ERMARD: variants seen among roughly 807,000 people sequenced by gnomAD.
The protein encoded by ERMARD is endoplasmic reticulum membrane-associated RNA degradation protein.
ERMARD carries 71 observed loss-of-function variants against 83.9 expected under a neutral mutation model. The observed-to-expected ratio is 0.85, with a 90% CI of 0.70 to 1.03. The LOEUF is 1.03. ERMARD is among the 50% of genes least tolerant of loss of function. The pLI, the probability that ERMARD is intolerant of heterozygous loss-of-function variation, is 0.00. For missense variants in ERMARD, 838 were observed against 810.9 expected (o/e 1.03, Z -0.41); for synonymous variants, 284 against 298.6 (o/e 0.95, Z 0.50).
chr6:169,776,598 A>G lies in ERMARD; in HGVS notation c.1664A>G (p.Glu555Gly). 1.2e-6 allele frequency: 2 copies of G among 1,614,240 alleles called. No homozygotes were observed. The highest frequency in any genetic ancestry group is 1.7e-6 in the Non-Finnish European group (2 of 1,180,050). ...TCCAGCCAGGTCACCGTTGCCTCAG[A>G]GCTGAGACACAGGCAGTGGGTGGAA... ...RVSSQVTVAS[E>G]LRHRQWVERT... is the part of the protein sequence containing the mutation. Residue 555 changes from glutamate (E) to glycine (G), a missense_variant, in exon 16 of 18, where the codon GAG (glutamate) becomes GGG (glycine). Transcript: ENST00000366773.
At chr6:169,763,439 C>A (rs1791800323) in intron 9 of ERMARD, among the ~76,000 whole-genome samples, 1 of 152,232 alleles carries the variant, frequency 6.6e-6, no homozygotes, top group Non-Finnish European at 1.5e-5. Flanking sequence ...TTGGTGCATG[C>A]CCCTCTCTAA....
chr6:169,780,178 G>A (rs1313427504), intron 17 of ERMARD, among the ~76,000 whole-genome samples: 1 of 152,204 alleles, frequency 6.6e-6, no homozygotes, highest in Non-Finnish European at 1.5e-5. Context: ...CCCATGCTTG[G>A]CACTGCTGGC....
At chr6:169,752,006 C>G in intron 1 of ERMARD, 1 of 368,794 alleles carries the variant, frequency 2.7e-6, no homozygotes, top group Non-Finnish European at 4.8e-6. Flanking sequence ...CTGACCGTGG[C>G]TCGTTCCTAG....
chr6:169,751,912 G>GC (rs1334089713), intron 1 of ERMARD: 1 of 525,046 alleles, frequency 1.9e-6, no homozygotes, highest in East Asian at 3.6e-5. Flanking sequence ...GTCGCCTCCT[G>GC]GCCCTGAGCT....
intron 16 of ERMARD, among the ~76,000 whole-genome samples, chr6:169,777,649 A>G (rs1222294681): frequency 1.3e-5 from 2 of 152,214 alleles, no homozygotes; most frequent in African/African-American, 4.8e-5. Flanking sequence ...GACATTTAAT[A>G]AAGATGAATT....
At chr6:169,770,131 T>C (rs1321791079) in intron 12 of ERMARD, among the ~76,000 whole-genome samples, 1 of 152,274 alleles carries the variant, frequency 6.6e-6, no homozygotes, top group Non-Finnish European at 1.5e-5. Context: ...ATTTATATTT[T>C]AATCTTTTTT....
chr6:169,752,844 A>G (rs1790313843), intron 1 of ERMARD, among the ~76,000 whole-genome samples: 1 of 152,208 alleles, frequency 6.6e-6, no homozygotes, highest in Non-Finnish European at 1.5e-5. Context: ...ACGGTTTGCT[A>G]CTTTTTACAT....
chr6:169,758,888 G>T (rs1418041571), intron 5 of ERMARD, 80 bp from the exon 6 acceptor site: 5 of 1,302,386 alleles, frequency 3.8e-6, no homozygotes, highest in Non-Finnish European at 5.4e-6. Flanking sequence ...TTAAAAAGAG[G>T]AACACAAATG....
At chr6:169,757,351 A>G (rs943039445) in intron 5 of ERMARD, among the ~76,000 whole-genome samples, 1 of 152,138 alleles carries the variant, frequency 6.6e-6, no homozygotes, top group African/African-American at 2.4e-5. Context: ...AAGCTTTCCT[A>G]TCCCGAGTGT....
intron 8 of ERMARD, among the ~76,000 whole-genome samples, chr6:169,761,894 G>C (rs774688497): frequency 6.6e-6 from 1 of 151,974 alleles, no homozygotes; most frequent in Admixed American, 6.6e-5. Flanking sequence ...CATTGGTCAG[G>C]CTGGTCTCAA....
chr6:169,759,896 C>A lies in ERMARD; in HGVS notation c.664C>A (p.Leu222Ile). The A allele has an allele frequency of 6.2e-7, 1 of 1,614,192 alleles. No individual in the cohort carries two copies. The highest frequency in any genetic ancestry group is 8.5e-7 in the Non-Finnish European group (1 of 1,180,046). Residue 222 changes from leucine to isoleucine, a missense_variant, in exon 7 of 18, where the codon CTT (leucine) becomes ATT (isoleucine). By Grantham distance (5) the Leu-to-Ile change is conservative. Coordinates refer to ENST00000366773, the MANE Select transcript of ERMARD (RefSeq NM_018341.3). ...AGLGQLLKSY[L>I]QNTKLTLAHR... ...ATTGGGTCAGTTACTGAAGAGTTAC[C>A]TTCAAAACACTAAACTTACATTGGC... is the stretch of plus-strand genomic sequence containing the variant.
chr6:169,763,218 AC>A (rs1791774537), intron 9 of ERMARD, among the ~76,000 whole-genome samples: 1 of 152,156 alleles, frequency 6.6e-6, no homozygotes, highest in African/African-American at 2.4e-5. Context: ...GGCTGCAGTG[AC>A]TGAAATAGGA....
chr6:169,756,280 G>T, intron 3 of ERMARD, 58 bp from the exon 4 acceptor site: 2 of 1,039,188 alleles, frequency 1.9e-6, no homozygotes, highest in Non-Finnish European at 2.8e-6. Flanking sequence ...AAATAATATT[G>T]TTGCTTTGAG....
Position 169,766,668 on chromosome 6 carries a change from G to A in ERMARD, c.990+1G>A. 6.4e-7 allele frequency: 1 copy of A among 1,570,640 alleles called. No homozygotes were observed. Among genetic ancestry groups the A allele is most frequent in the East Asian group, 2.3e-5 (1 of 43,626 alleles). ...AGCTCTTTATACCACCTTTGATCAA[G>A]TAAGTAAGTAAACTTGTAAGGTAAC... On this transcript the variant is annotated splice_donor_variant, in intron 10 of 17. Transcript: ENST00000366773. LOFTEE classifies it high-confidence loss of function.
chr6:169,762,819 C>T (rs889323187), intron 9 of ERMARD, among the ~76,000 whole-genome samples: 25 of 152,132 alleles, frequency 1.6e-4, no homozygotes, highest in Non-Finnish European at 3.1e-4. Flanking sequence ...TCACTGTAAC[C>T]GCGTGAGATG....
In ERMARD at chr6:169,776,485, CACACCTGTTCCCACCCTGT is replaced by C; in HGVS notation, c.1552_1570del (p.Thr518SerfsTer33). The C allele has an allele frequency of 6.2e-7, 1 of 1,614,118 alleles. No individual in the cohort carries two copies. The highest frequency in any genetic ancestry group is 1.1e-5 in the South Asian group (1 of 91,044). ...CCCAGCTTCTCCGTGAGCTCTGCAG[CACACCTGTTCCCACCCTGT>C]TCTGCCCCAGGATTGTGCTGGAAGT... On this transcript the variant is annotated frameshift_variant, in exon 16 of 18. Coordinates refer to ENST00000366773, the MANE Select transcript of ERMARD (RefSeq NM_018341.3). LOFTEE classifies it high-confidence loss of function.
At chr6:169,760,081 C>T (rs765582875) in intron 7 of ERMARD, 107 bp downstream of exon 7, 32 of 1,534,046 alleles carry the variant, frequency 2.1e-5, no homozygotes, top group Non-Finnish European at 2.6e-5. Flanking sequence ...AGTAGTTGTT[C>T]TTCAGTAGTC....
At chr6:169,754,413 C>T (rs1275388641) in intron 2 of ERMARD, among the ~76,000 whole-genome samples, 1 of 152,106 alleles carries the variant, frequency 6.6e-6, no homozygotes, top group East Asian at 1.9e-4. Flanking sequence ...CATTCTTGCA[C>T]ACTTTGGAGC....
At chr6:169,779,359 T>A in intron 17 of ERMARD, 64 bp downstream of exon 17, 1 of 1,424,192 alleles carries the variant, frequency 7.0e-7, no homozygotes, top group Non-Finnish European at 9.9e-7. Context: ...GGTGAGCCTG[T>A]AGGAGTGAGA....
Sources: gnomAD v4.1 joint callset for allele counts (sites outside exome capture counted in the v4.1 genomes callset) on GRCh38, gnomAD v4.1.1 for gene constraint, MANE v1.5 for transcripts, NCBI Gene and HGNC (gene_info 2026-07-23, HGNC 2026-07-21) for gene names.